Variants in TENM3 observed in about 807,000 individuals in gnomAD.
TENM3 encodes teneurin-3.
Under a neutral mutation model 255.1 loss-of-function variants are expected in TENM3, and 63 were observed. That is an observed-to-expected ratio of 0.25 (90% CI 0.20 to 0.30). The LOEUF (loss-of-function observed/expected upper bound fraction) is 0.30, where lower values mean the gene tolerates loss of function less well. TENM3 is among the 10% of genes least tolerant of loss of function. The pLI is 1.00. For synonymous variants in TENM3, 1,306 were observed against 1,322.3 expected (o/e 0.99, Z 0.27); for missense variants, 2,929 against 3,461.1 (o/e 0.85, Z 3.86).
At chr4:181,494,963 A>C in the TENM3 span, among the ~76,000 whole-genome samples, 7 of 152,094 alleles carry the variant, frequency 4.6e-5, no homozygotes, top group Admixed American at 4.6e-4. Flanking sequence ...TGTTCGGAGA[A>C]GTTATCTCTT....
At chr4:182,717,952 G>T (rs188531179) in intron 13 of TENM3, among the ~76,000 whole-genome samples, 6 of 152,206 alleles carry the variant, frequency 3.9e-5, no homozygotes, top group African/African-American at 1.4e-4. Flanking sequence ...CTGGAGTGGG[G>T]GTTAAGACAG....
the TENM3 span, among the ~76,000 whole-genome samples, chr4:181,846,380 C>A: frequency 2.6e-5 from 4 of 152,100 alleles, no homozygotes; most frequent in South Asian, 8.3e-4. Context: ...TTGTAGGTTG[C>A]ATTCTAGATT....
At chr4:182,539,976 G>C (rs535252757) in intron 3 of TENM3, among the ~76,000 whole-genome samples, 1 of 152,156 alleles carries the variant, frequency 6.6e-6, no homozygotes, top group Admixed American at 6.5e-5. Flanking sequence ...TATCCCCAGC[G>C]TCTGGAACAC....
intron 3 of TENM3, among the ~76,000 whole-genome samples, chr4:182,398,495 T>C (rs1769004210): frequency 6.6e-6 from 1 of 152,210 alleles, no homozygotes; most frequent in African/African-American, 2.4e-5. Context: ...CTGACTTAAC[T>C]GTGAATCGCT....
chr4:181,968,447 C>T, the TENM3 span, among the ~76,000 whole-genome samples: 1 of 152,162 alleles, frequency 6.6e-6, no homozygotes, highest in African/African-American at 2.4e-5. Flanking sequence ...TTAGGAAGCT[C>T]TTAATCCACA....
At chr4:181,797,006 G>C in the TENM3 span, among the ~76,000 whole-genome samples, 1 of 152,050 alleles carries the variant, frequency 6.6e-6, no homozygotes, top group Non-Finnish European at 1.5e-5. Flanking sequence ...CGGCAAAGAG[G>C]GAGGCCCACA....
At chr4:181,835,134 C>T in the TENM3 span, 1 of 152,038 alleles carries the variant, frequency 6.6e-6, no homozygotes, top group Admixed American at 6.6e-5. Flanking sequence ...ATTAGGTCAC[C>T]TTTATGAATT....
the TENM3 span, among the ~76,000 whole-genome samples, chr4:181,759,777 CAGT>C: frequency 2.1e-5 from 3 of 143,954 alleles, no homozygotes; most frequent in Admixed American, 7.1e-5. Context: ...TGTGGATAAA[CAGT>C]AGGTAGAAAA....
In TENM3 at chr4:182,744,963, A is replaced by G. The variant is rs530202582; in HGVS notation, c.3629+1544A>G. ...CGGGATAGAAAAAAAAAGGCGGAGG[A>G]AACCAATGTTTTAAAGTAAAGCTGG... On this transcript the variant is annotated intron_variant, in intron 19 of 27. Transcript: ENST00000511685. Among the ~76,000 whole-genome samples, 8 of 152,304 alleles carry G rather than the reference A, an allele frequency of 5.3e-5. No homozygotes were observed. In the South Asian group the frequency reaches 1.7e-3, roughly 32 times the overall value.
At chr4:181,450,028 CT>C in the TENM3 span, among the ~76,000 whole-genome samples, 3 of 152,244 alleles carry the variant, frequency 2.0e-5, no homozygotes, top group African/African-American at 7.2e-5. Context: ...CATTAAACTA[CT>C]ATTTAATATG....
the TENM3 span, among the ~76,000 whole-genome samples, chr4:181,963,722 A>C: frequency 1.3e-5 from 2 of 152,188 alleles, no homozygotes; most frequent in East Asian, 1.9e-4. Context: ...CTAGCAGTGG[A>C]TAGAACGCAA....
At chr4:181,478,759 CA>C in the TENM3 span, among the ~76,000 whole-genome samples, 1 of 152,142 alleles carries the variant, frequency 6.6e-6, no homozygotes, top group Non-Finnish European at 1.5e-5. Flanking sequence ...TTCCATAAGC[CA>C]TTCTGTTCCT....
the TENM3 span, among the ~76,000 whole-genome samples, chr4:181,926,380 C>T: frequency 6.6e-6 from 1 of 152,074 alleles, no homozygotes; most frequent in Non-Finnish European, 1.5e-5. Flanking sequence ...GCAAGAAACC[C>T]AGCTAAAGTA....
rs1761228224 is a variant in TENM3, at chr4:182,737,092, T to A, written c.3235+17T>A. 3 of 1,601,986 alleles carry A rather than the reference T, an allele frequency of 1.9e-6. 1 individual carries two copies. The highest frequency in any genetic ancestry group is 3.3e-4 in the Middle Eastern group (2 of 5,990). On this transcript the variant is annotated intron_variant, in intron 17 of 27. Coordinates refer to ENST00000511685, the MANE Select transcript of TENM3 (RefSeq NM_001080477.4). Reference sequence around the variant, plus strand: ...AAGCTGTTGGTAAGTTCCATATAAATCTTTGCTGCAGTGAAGTTTTTCTCA... The same window carrying A: ...AAGCTGTTGGTAAGTTCCATATAAAACTTTGCTGCAGTGAAGTTTTTCTCA...
Position 182,253,451 on chromosome 4 carries a change from C to A in TENM3, c.-76+9975C>A, listed in dbSNP as rs371047841. Among the ~76,000 whole-genome samples, 5 of 152,144 alleles carry A rather than the reference C, an allele frequency of 3.3e-5. No individual in the cohort carries two copies. The East Asian group carries it at 7.7e-4, about 24-fold the overall frequency. On this transcript the variant is annotated intron_variant, in intron 1 of 27. Transcript: ENST00000511685. ...TCGCACCACTGCACTCCAGCCTGGG[C>A]GACAAGAGCAAAACTCTGTCCCCCC...
chr4:181,847,003 CT>C, the TENM3 span, among the ~76,000 whole-genome samples: 1 of 152,208 alleles, frequency 6.6e-6, no homozygotes, highest in African/African-American at 2.4e-5. Context: ...GTCCCATCCC[CT>C]AGGCCCTGTG....
At chr4:182,505,708 G>C (rs1736742807) in intron 3 of TENM3, among the ~76,000 whole-genome samples, 1 of 152,002 alleles carries the variant, frequency 6.6e-6, no homozygotes, top group Non-Finnish European at 1.5e-5. Context: ...TCAAACTCTT[G>C]GCCTTCCAAG....
At chr4:181,918,305 A>G in the TENM3 span, among the ~76,000 whole-genome samples, 1 of 152,230 alleles carries the variant, frequency 6.6e-6, no homozygotes, top group Non-Finnish European at 1.5e-5. Flanking sequence ...AACTTTTAGA[A>G]AACAGTTGGA....
the TENM3 span, among the ~76,000 whole-genome samples, chr4:182,014,172 A>AAG: frequency 6.9e-6 from 1 of 144,040 alleles, no homozygotes; most frequent in Non-Finnish European, 1.5e-5. Context: ...ATATATATAC[A>AAG]TATATATATG....
Sources: gnomAD v4.1 joint callset for allele counts (sites outside exome capture counted in the v4.1 genomes callset) on GRCh38, gnomAD v4.1.1 for gene constraint, MANE v1.5 for transcripts, NCBI Gene and HGNC (gene_info 2026-07-23, HGNC 2026-07-21) for gene names.